Variants in SMNDC1 observed in about 807,000 individuals in gnomAD.
SMNDC1 encodes survival motor neuron domain containing 1.
A neutral mutation model predicts 29.2 loss-of-function variants in SMNDC1; 5 were observed. That is an observed-to-expected ratio of 0.17 (90% CI 0.09 to 0.36). The LOEUF is 0.36. Ranked by LOEUF, SMNDC1 falls within the 10% of genes least tolerant of loss-of-function variation. The pLI is 1.00. For synonymous variants in SMNDC1, 80 were observed against 89.9 expected (o/e 0.89, Z 0.62); for missense variants, 142 against 268.5 (o/e 0.53, Z 3.29).
chr10:110,295,079 A>G (rs556246535), intron 5 of SMNDC1, 149 bp downstream of exon 5: 24 of 643,742 alleles, frequency 3.7e-5, no homozygotes, highest in South Asian at 1.5e-4. Context: ...ACATTTTTCA[A>G]TAAGTTAAAT....
At chr10:110,303,205 G>A (rs1373404134) in intron 2 of SMNDC1, among the ~76,000 whole-genome samples, 2 of 152,184 alleles carry the variant, frequency 1.3e-5, no homozygotes, top group African/African-American at 2.4e-5. Context: ...AAATCTGACA[G>A]ACTTGGAAAT....
In SMNDC1 at chr10:110,294,000, A is replaced by G. The variant is rs545254755; in HGVS notation, c.*150T>C. 84 of 565,164 alleles carry G rather than the reference A, an allele frequency of 1.5e-4. 1 individual carries two copies. In the East Asian group the frequency reaches 2.6e-3, roughly 18 times the overall value. The allele number at this position is 565,164 out of a possible 1,614,324, so 35.0% of individuals were successfully genotyped here. On this transcript the variant is annotated 3_prime_UTR_variant, in exon 6 of 6. Coordinates refer to ENST00000369603, the MANE Select transcript of SMNDC1 (RefSeq NM_005871.4). The stretch of plus-strand genomic sequence containing the variant: ...AAATGAATAGCAGTTATCAAATGCA[A>G]TTTCTTCACGTTTCATTCTACTGAA...
chr10:110,296,847 C>T (rs900139350), intron 4 of SMNDC1, among the ~76,000 whole-genome samples: 118 of 152,246 alleles, frequency 7.8e-4, no homozygotes, highest in African/African-American at 2.7e-3. Flanking sequence ...TACGTGCTCA[C>T]CTCCCCCCTT....
chr10:110,298,714 G>C lies in SMNDC1; in HGVS notation c.197C>G (p.Ser66Cys), dbSNP rs773697700. 1.9e-6 allele frequency: 3 copies of C among 1,613,558 alleles called. No individual in the cohort carries two copies. The South Asian group carries it at 3.3e-5, about 18-fold the overall frequency. The change falls in exon 3 of 6, where the codon TCT (serine) becomes TGT (cysteine). Residue 66 changes from serine (S) to cysteine (C), a missense_variant. By Grantham distance (112) the Ser-to-Cys change is moderately radical (BLOSUM62 -1). Transcript: ENST00000369603. ...TTTCCATGAATGAGTAGGTTGAGTA[G>C]AAGCAAAACTGTCTGAACTTGCAAG... ...ETLASSDSFASTQPTHSWKVG... is the reference protein window; with the variant it reads ...ETLASSDSFACTQPTHSWKVG...
intron 3 of SMNDC1, 40 bp from the exon 4 acceptor site, chr10:110,297,768 T>A: frequency 6.3e-7 from 1 of 1,581,642 alleles, no homozygotes; most frequent in Non-Finnish European, 8.6e-7. Flanking sequence ...GAGTAAAGGT[T>A]TAGTACTCAG....
intron 2 of SMNDC1, among the ~76,000 whole-genome samples, chr10:110,301,684 T>A (rs1857651318): frequency 6.6e-6 from 1 of 152,184 alleles, no homozygotes; most frequent in Non-Finnish European, 1.5e-5. Context: ...ATAGAACATT[T>A]CCATCATCAC....
chr10:110,297,488 A>G (rs1467343216), intron 4 of SMNDC1, 79 bp downstream of exon 4: 24 of 1,334,304 alleles, frequency 1.8e-5, no homozygotes, highest in Non-Finnish European at 2.4e-5. Context: ...TTTCTTATGC[A>G]TAGATTCTCT....
chr10:110,297,811 T>C, intron 3 of SMNDC1, 83 bp from the exon 4 acceptor site: 2 of 1,180,410 alleles, frequency 1.7e-6, no homozygotes, highest in Non-Finnish European at 2.4e-6. Context: ...GATAAAATTA[T>C]TACATGTGTC....
At chr10:110,297,438 G>C in intron 4 of SMNDC1, 129 bp downstream of exon 4, 2 of 806,128 alleles carry the variant, frequency 2.5e-6, no homozygotes, top group Non-Finnish European at 3.9e-6. Context: ...TTGACCCTTT[G>C]TTGCTAATCT....
Position 110,295,389 on chromosome 10 carries a change from A to G in SMNDC1, c.426-8T>C. ...TGGGCAATCATTTCTTTTCTGCATG[A>G]AAAAAAGTTAAATGTCAACTGTTAA... On this transcript the variant is annotated splice_region_variant and splice_polypyrimidine_tract_variant and intron_variant, in intron 4 of 5. Transcript: ENST00000369603. 1.9e-6 allele frequency: 3 copies of G among 1,578,004 alleles called. No homozygotes were observed. Among genetic ancestry groups the G allele is most frequent in the Non-Finnish European group, 2.6e-6 (3 of 1,170,032 alleles).
At position 110,290,892 on chromosome 10, in the gene SMNDC1, T is replaced by TACAATCTACAGACACATGAG. The variant is rs1323164756; in HGVS notation, c.*3238_*3257dup. 6.6e-6 allele frequency: 1 copy of TACAATCTACAGACACATGAG among 152,204 alleles called. No homozygotes were observed. The highest frequency in any genetic ancestry group is 1.5e-5 in the Non-Finnish European group (1 of 68,042). The allele number at this position is 152,204 out of a possible 1,614,324, so 9.4% of individuals were successfully genotyped here. A position where few individuals can be genotyped will look rare whatever the true frequency, so the allele number is the denominator to read the frequency against. ...CTTATAAAAATTGTAATTATAAAAT[T>TACAATCTACAGACACATGAG]ACAATCTACAGACACATGAGTCACA... On this transcript the variant is annotated 3_prime_UTR_variant, in exon 6 of 6. Transcript: ENST00000369603.
Sources: allele counts gnomAD v4.1 joint callset (sites outside exome capture counted in the v4.1 genomes callset), GRCh38; gene constraint gnomAD v4.1.1; transcripts MANE v1.5; gene names NCBI Gene and HGNC (gene_info 2026-07-23, HGNC 2026-07-21).